MAPKAP1: variants seen among roughly 807,000 people sequenced by gnomAD.
MAPKAP1 encodes target of rapamycin complex 2 subunit MAPKAP1.
MAPKAP1 carries 20 observed loss-of-function variants against 65.7 expected under a neutral mutation model. The observed-to-expected ratio is 0.30, with a 90% CI of 0.21 to 0.44. The LOEUF is 0.44. MAPKAP1 is among the 20% of genes least tolerant of loss of function. The pLI is 1.00. For synonymous variants in MAPKAP1, 222 were observed against 244.3 expected (o/e 0.91, Z 0.85); for missense variants, 423 against 648.0 (o/e 0.65, Z 3.77).
chr9:125,658,270 C>T (rs1332183272), intron 3 of MAPKAP1, among the ~76,000 whole-genome samples: 1 of 152,190 alleles, frequency 6.6e-6, no homozygotes, highest in Non-Finnish European at 1.5e-5. Context: ...TAACACTCTC[C>T]AGTTGCACCT....
chr9:125,451,558 GC>G (rs1273557183), intron 10 of MAPKAP1, among the ~76,000 whole-genome samples: 1 of 152,072 alleles, frequency 6.6e-6, no homozygotes, highest in African/African-American at 2.4e-5. Context: ...CCTCCACATG[GC>G]CCCCAGTGCA....
chr9:125,461,261 C>T (rs1250226411), intron 10 of MAPKAP1, among the ~76,000 whole-genome samples: 3 of 152,224 alleles, frequency 2.0e-5, no homozygotes, highest in South Asian at 2.1e-4. Context: ...CCCTCCCACA[C>T]GCTTGGAAAA....
intron 4 of MAPKAP1, among the ~76,000 whole-genome samples, chr9:125,646,071 A>G (rs1212702117): frequency 6.6e-6 from 1 of 152,204 alleles, no homozygotes; most frequent in African/African-American, 2.4e-5. Context: ...ATATTACATC[A>G]ACTGTACACA....
chr9:125,586,475 C>T (rs1286700069), intron 4 of MAPKAP1, among the ~76,000 whole-genome samples: 2 of 152,062 alleles, frequency 1.3e-5, no homozygotes, highest in Non-Finnish European at 2.9e-5. Flanking sequence ...ACTGCCTCCT[C>T]TGCTGTCCTG....
intron 3 of MAPKAP1, among the ~76,000 whole-genome samples, chr9:125,668,254 C>T (rs1834397158): frequency 6.6e-6 from 1 of 152,144 alleles, no homozygotes; most frequent in African/African-American, 2.4e-5. Context: ...ATCACACTTC[C>T]CTCCATGTTG....
intron 8 of MAPKAP1, among the ~76,000 whole-genome samples, chr9:125,495,832 C>T (rs1490714909): frequency 6.6e-6 from 1 of 152,136 alleles, no homozygotes; most frequent in Non-Finnish European, 1.5e-5. Context: ...CCCAAAGGGG[C>T]CTGTGGGAAG....
chr9:125,474,684 T>G (rs1218243609), intron 9 of MAPKAP1, among the ~76,000 whole-genome samples: 1 of 152,176 alleles, frequency 6.6e-6, no homozygotes, highest in East Asian at 1.9e-4. Flanking sequence ...AAATACCCCC[T>G]TAAAAAAGCT....
At chr9:125,639,929 A>G (rs1480152845) in intron 4 of MAPKAP1, among the ~76,000 whole-genome samples, 1 of 152,172 alleles carries the variant, frequency 6.6e-6, no homozygotes, top group Non-Finnish European at 1.5e-5. Flanking sequence ...AGACAGGCGC[A>G]TGGGGGCAGA....
At chr9:125,610,280 T>C (rs1394175944) in intron 4 of MAPKAP1, among the ~76,000 whole-genome samples, 1 of 152,214 alleles carries the variant, frequency 6.6e-6, no homozygotes, top group African/African-American at 2.4e-5. Flanking sequence ...TTCAACCATA[T>C]GGCAAAGTAT....
At chr9:125,617,630 TAAC>T (rs1187973531) in intron 4 of MAPKAP1, among the ~76,000 whole-genome samples, 3 of 152,124 alleles carry the variant, frequency 2.0e-5, no homozygotes, top group Non-Finnish European at 4.4e-5. Flanking sequence ...GAAAATGAAT[TAAC>T]TACAGCTACA....
chr9:125,577,252 C>T (rs918727383), intron 5 of MAPKAP1, among the ~76,000 whole-genome samples: 18 of 151,546 alleles, frequency 1.2e-4, no homozygotes, highest in Non-Finnish European at 2.4e-4. Context: ...GCAACCGCCC[C>T]GTCTGAGAAG....
intron 4 of MAPKAP1, among the ~76,000 whole-genome samples, chr9:125,640,503 C>T (rs757309994): frequency 2.1e-4 from 32 of 151,982 alleles, no homozygotes; most frequent in Non-Finnish European, 3.8e-4. Flanking sequence ...AGGAGCAAGA[C>T]AAACATTAAA....
chr9:125,612,171 T>C (rs562124123), intron 4 of MAPKAP1, among the ~76,000 whole-genome samples: 1 of 152,326 alleles, frequency 6.6e-6, no homozygotes, highest in South Asian at 2.1e-4. Flanking sequence ...TCAAAAAGTT[T>C]TAGATTTTGG....
chr9:125,635,582 A>G (rs1288144164), intron 4 of MAPKAP1, among the ~76,000 whole-genome samples: 3 of 152,248 alleles, frequency 2.0e-5, no homozygotes, highest in African/African-American at 7.2e-5. Flanking sequence ...GAACTGAAAT[A>G]TCTGCCCAAA....
intron 10 of MAPKAP1, among the ~76,000 whole-genome samples, chr9:125,460,583 G>A (rs1853458169): frequency 6.6e-6 from 1 of 152,144 alleles, no homozygotes; most frequent in Non-Finnish European, 1.5e-5. Context: ...CCAACTATCT[G>A]GGGGTCAGAG....
At chr9:125,693,721 G>GTATATACACA (rs1564620362) in intron 1 of MAPKAP1, among the ~76,000 whole-genome samples, 1 of 59,022 alleles carries the variant, frequency 1.7e-5, no homozygotes, top group Admixed American at 1.7e-4. Flanking sequence ...ATATATACAC[G>GTATATACACA]TATATACACA....
intron 7 of MAPKAP1, among the ~76,000 whole-genome samples, chr9:125,531,488 C>T (rs1025220064): frequency 6.6e-6 from 1 of 152,152 alleles, no homozygotes; most frequent in Non-Finnish European, 1.5e-5. Flanking sequence ...CAACTTAAAA[C>T]CACAGATCAA....
chr9:125,656,686 C>A (rs1172102653), intron 4 of MAPKAP1, among the ~76,000 whole-genome samples: 1 of 152,082 alleles, frequency 6.6e-6, no homozygotes, highest in Non-Finnish European at 1.5e-5. Flanking sequence ...TGCAATGGCG[C>A]TGAAGTAAGA....
chr9:125,456,430 A>C (rs1358720224), intron 10 of MAPKAP1, among the ~76,000 whole-genome samples: 1 of 152,222 alleles, frequency 6.6e-6, no homozygotes, highest in African/African-American at 2.4e-5. Context: ...TCTGTCATAG[A>C]GTTCACTGAT....
Sources: gnomAD v4.1 joint callset for allele counts (sites outside exome capture counted in the v4.1 genomes callset) on GRCh38, gnomAD v4.1.1 for gene constraint, MANE v1.5 for transcripts, NCBI Gene and HGNC (gene_info 2026-07-23, HGNC 2026-07-21) for gene names.